CSMD1: variants seen among roughly 807,000 people sequenced by gnomAD.
The protein encoded by CSMD1 is CUB and Sushi multiple domains 1.
A neutral mutation model predicts 417.5 loss-of-function variants in CSMD1; 213 were observed. The ratio of observed to expected loss-of-function variants is 0.51; its 90% CI spans 0.46 to 0.57. The LOEUF is 0.57. CSMD1 is among the 20% of genes least tolerant of loss of function. The pLI is 0.00. For synonymous variants in CSMD1, 2,862 were observed against 1,736.8 expected (o/e 1.65, Z -16.11); for missense variants, 6,923 against 4,529.7 (o/e 1.53, Z -15.17).
intron 12 of CSMD1, among the ~76,000 whole-genome samples, chr8:3,461,822 C>A (rs772311061): frequency 1.3e-5 from 2 of 152,192 alleles, no homozygotes; most frequent in African/African-American, 2.4e-5. Context: ...ACAAGTCTAG[C>A]AGCCACACCT....
At chr8:4,416,382 A>G (rs1216312207) in intron 3 of CSMD1, among the ~76,000 whole-genome samples, 1 of 152,178 alleles carries the variant, frequency 6.6e-6, no homozygotes. Flanking sequence ...TTTTAAAAAT[A>G]TAACCAATAT....
intron 3 of CSMD1, among the ~76,000 whole-genome samples, chr8:4,135,091 T>C (rs1002298196): frequency 6.6e-6 from 1 of 152,142 alleles, no homozygotes; most frequent in African/African-American, 2.4e-5. Context: ...AAAAAAATTC[T>C]TCCATAATAA....
intron 46 of CSMD1, among the ~76,000 whole-genome samples, chr8:3,099,653 G>C (rs773691945): frequency 6.6e-6 from 1 of 152,184 alleles, no homozygotes; most frequent in Non-Finnish European, 1.5e-5. Flanking sequence ...AACCTTTACT[G>C]AGTTGCTAAA....
rs1384694187 is a variant in CSMD1 at position 4,343,690 on chromosome 8, G to T, written c.415+76263C>A. Among the ~76,000 whole-genome samples, 6 of 152,198 alleles carry T rather than the reference G, an allele frequency of 3.9e-5. No homozygotes were observed. The East Asian group carries it at 9.7e-4, about 25-fold the overall frequency. On this transcript the variant is annotated intron_variant, in intron 3 of 69. Coordinates refer to ENST00000635120, the MANE Select transcript of CSMD1 (RefSeq NM_033225.6). Reference sequence around the variant, plus strand: ...TGTGTCTGGTGATCTGACCTTTGCAGCTTTTTCTTTTCACCAGGGGAGCTT... The same window carrying T: ...TGTGTCTGGTGATCTGACCTTTGCATCTTTTTCTTTTCACCAGGGGAGCTT...
At chr8:3,946,996 G>C (rs983977832) in intron 5 of CSMD1, among the ~76,000 whole-genome samples, 2 of 152,022 alleles carry the variant, frequency 1.3e-5, no homozygotes, top group African/African-American at 2.4e-5. Flanking sequence ...AAATACGTTG[G>C]ATCTCATATT....
intron 11 of CSMD1, among the ~76,000 whole-genome samples, chr8:3,477,456 T>G (rs1464962542): frequency 6.6e-6 from 1 of 152,228 alleles, no homozygotes; most frequent in East Asian, 1.9e-4. Flanking sequence ...AAGTGACTAC[T>G]TGCCTTAATT....
intron 3 of CSMD1, among the ~76,000 whole-genome samples, chr8:4,271,441 C>G (rs927510180): frequency 1.3e-5 from 2 of 152,032 alleles, no homozygotes; most frequent in Non-Finnish European, 2.9e-5. Context: ...AGACTCTCCT[C>G]ATTAACTGAA....
chr8:4,763,376 C>G (rs1812242431), intron 1 of CSMD1, among the ~76,000 whole-genome samples: 1 of 152,136 alleles, frequency 6.6e-6, no homozygotes, highest in African/African-American at 2.4e-5. Context: ...CCTTCCTGTT[C>G]TAGGTTTTTA....
At chr8:4,824,389 G>C (rs913301070) in intron 1 of CSMD1, among the ~76,000 whole-genome samples, 2 of 152,086 alleles carry the variant, frequency 1.3e-5, no homozygotes, top group African/African-American at 4.8e-5. Context: ...AATGTGAAAA[G>C]TGATTAAGTC....
At chr8:4,054,938 G>A (rs537422853) in intron 3 of CSMD1, among the ~76,000 whole-genome samples, 1 of 152,202 alleles carries the variant, frequency 6.6e-6, no homozygotes, top group Non-Finnish European at 1.5e-5. Flanking sequence ...AATCAATAAA[G>A]TACAAAGAGA....
At chr8:3,908,863 T>C (rs1808278396) in intron 5 of CSMD1, among the ~76,000 whole-genome samples, 1 of 152,178 alleles carries the variant, frequency 6.6e-6, no homozygotes, top group Non-Finnish European at 1.5e-5. Context: ...AATGTTACTG[T>C]GAGGTAATAT....
In CSMD1 at chr8:3,707,540, G is replaced by C. The variant is rs187074768; in HGVS notation, c.1009+874C>G. Among the ~76,000 whole-genome samples the C allele has an allele frequency of 1.1e-3, 164 of 152,310 alleles. 2 individuals carry two copies. The highest frequency in any genetic ancestry group is 1.1e-3 in the Non-Finnish European group (77 of 68,030). The stretch of plus-strand genomic sequence containing the variant: ...GCCCCTACAGGAAGTCAACCCACTT[G>C]GTATCTCAGTAGACGGTACTCATCT... On this transcript the variant is annotated intron_variant, in intron 7 of 69. Transcript: ENST00000635120.
chr8:4,503,689 C>T (rs941588705), intron 2 of CSMD1, among the ~76,000 whole-genome samples: 1 of 152,020 alleles, frequency 6.6e-6, no homozygotes, highest in Non-Finnish European at 1.5e-5. Context: ...TTAACCTGGA[C>T]TCGTCTAATG....
chr8:3,930,269 T>C (rs540891148), intron 5 of CSMD1, among the ~76,000 whole-genome samples: 1 of 150,448 alleles, frequency 6.6e-6, no homozygotes, highest in Non-Finnish European at 1.5e-5. Flanking sequence ...TAATTAGGAA[T>C]AAATAGTAAC....
chr8:3,443,520 A>G (rs1346176631), intron 12 of CSMD1, among the ~76,000 whole-genome samples: 1 of 152,208 alleles, frequency 6.6e-6, no homozygotes, highest in Non-Finnish European at 1.5e-5. Flanking sequence ...TAAAAGCAAG[A>G]ATGAACCAGA....
Position 2,995,161 on chromosome 8 carries a change from C to T in CSMD1, c.8377+2850G>A, listed in dbSNP as rs548940533. On this transcript the variant is annotated intron_variant, in intron 54 of 69. Transcript: ENST00000635120. ...ATATACCTGACAAATGACTATTACACAGAATAAAGAACTCTTGAAACTCAG... is the reference window on the plus strand; with the variant it reads ...ATATACCTGACAAATGACTATTACATAGAATAAAGAACTCTTGAAACTCAG... 1.2e-3 allele frequency among the ~76,000 whole-genome samples: 190 copies of T among 152,234 alleles called. 1 individual carries two copies. Among genetic ancestry groups the T allele is most frequent in the African/African-American group, 4.4e-3 (184 of 41,540 alleles).
intron 5 of CSMD1, among the ~76,000 whole-genome samples, chr8:3,867,363 A>G (rs1563159786): frequency 6.6e-6 from 1 of 152,184 alleles, no homozygotes; most frequent in African/African-American, 2.4e-5. Context: ...TGTCTCTTCT[A>G]TTGAACTTTA....
At chr8:4,803,417 G>T (rs993638904) in intron 1 of CSMD1, among the ~76,000 whole-genome samples, 1 of 152,162 alleles carries the variant, frequency 6.6e-6, no homozygotes, top group Non-Finnish European at 1.5e-5. Context: ...GTCTAGATTT[G>T]TCTCTTGTCT....
chr8:3,499,853 C>T (rs967846112), intron 10 of CSMD1, among the ~76,000 whole-genome samples: 2 of 152,090 alleles, frequency 1.3e-5, no homozygotes, highest in Non-Finnish European at 2.9e-5. Context: ...TCTGATAGTT[C>T]TTCTGTCCTG....
Sources: gnomAD v4.1 joint callset for allele counts (sites outside exome capture counted in the v4.1 genomes callset) on GRCh38, gnomAD v4.1.1 for gene constraint, MANE v1.5 for transcripts, NCBI Gene and HGNC (gene_info 2026-07-23, HGNC 2026-07-21) for gene names.